The following SH3GL2 variants were observed in gnomAD, a reference collection of about 807,000 sequenced individuals.
SH3GL2 encodes the protein endophilin-A1.
A neutral mutation model predicts 46.0 loss-of-function variants in SH3GL2; 24 were observed. The ratio of observed to expected loss-of-function variants is 0.52; its 90% confidence interval spans 0.38 to 0.73. The LOEUF (loss-of-function observed/expected upper bound fraction) is 0.73, where lower values mean the gene tolerates loss of function less well. Ranked by LOEUF, SH3GL2 falls within the 30% of genes least tolerant of loss-of-function variation. The probability of loss-of-function intolerance (pLI) is 0.00; values close to 1 mark genes in which losing one functional copy is unlikely to be tolerated. For synonymous variants in SH3GL2, 196 were observed against 147.1 expected, an observed-to-expected ratio of 1.33 and a Z score of -2.40; for missense variants, 413 against 424.2, an observed-to-expected ratio of 0.97 and a Z score of 0.23.
At chr9:17,723,967 C>T (rs1011947297) in intron 1 of SH3GL2, among the ~76,000 whole-genome samples, 55 of 152,102 alleles carry the variant, frequency 3.6e-4, no homozygotes, top group African/African-American at 1.3e-3. Context: ...GTGTGGTTCT[C>T]TTTGAGTTTT....
chr9:17,735,317 C>G (rs1045612174), intron 1 of SH3GL2, among the ~76,000 whole-genome samples: 1 of 152,068 alleles, frequency 6.6e-6, no homozygotes, highest in African/African-American at 2.4e-5. Context: ...GACTTAGCAC[C>G]TGTCCTCAGT....
intron 2 of SH3GL2, among the ~76,000 whole-genome samples, chr9:17,757,934 T>TC (rs1823047598): frequency 6.6e-6 from 1 of 152,172 alleles, no homozygotes; most frequent in African/African-American, 2.4e-5. Context: ...TCAGCTTGTC[T>TC]CTGGCTGACA....
intron 1 of SH3GL2, among the ~76,000 whole-genome samples, chr9:17,636,221 G>T (rs567676837): frequency 3.9e-5 from 6 of 152,176 alleles, no homozygotes; most frequent in Non-Finnish European, 7.3e-5. Context: ...AAAGCACCAA[G>T]TGCATCTTAT....
chr9:17,612,755 C>T (rs1818898340), intron 1 of SH3GL2, among the ~76,000 whole-genome samples: 1 of 152,086 alleles, frequency 6.6e-6, no homozygotes, highest in Non-Finnish European at 1.5e-5. Flanking sequence ...CCTTGTGCAC[C>T]CATAACCGCA....
intron 1 of SH3GL2, among the ~76,000 whole-genome samples, chr9:17,633,368 C>G (rs575473287): frequency 1.3e-5 from 2 of 152,258 alleles, no homozygotes; most frequent in South Asian, 4.1e-4. Context: ...GCACTGCTGC[C>G]AGTGACGTTA....
chr9:17,727,688 A>C (rs936238826), intron 1 of SH3GL2, among the ~76,000 whole-genome samples: 2 of 152,154 alleles, frequency 1.3e-5, no homozygotes, highest in African/African-American at 2.4e-5. Context: ...GACGATTTCC[A>C]TATCTTCCTC....
intron 1 of SH3GL2, among the ~76,000 whole-genome samples, chr9:17,581,075 C>T (rs989130080): frequency 1.3e-4 from 19 of 151,986 alleles, no homozygotes; most frequent in Admixed American, 1.2e-3. Flanking sequence ...GTAGAACACA[C>T]GTATAAAGTG....
In SH3GL2 at chr9:17,787,425, A is replaced by T; in HGVS notation, c.377A>T (p.Glu126Val). 6.2e-7 allele frequency: 1 copy of T among 1,612,612 alleles called. No homozygotes were observed. Among genetic ancestry groups the T allele is most frequent in the Middle Eastern group, 1.7e-4 (1 of 6,056 alleles). Residue 126 changes from glutamate (E) to valine (V), a missense_variant, in exon 5 of 9, where the codon GAG becomes GTG. Glu to Val is a moderately radical substitution (Grantham distance 121). This residue lies in a region of SH3GL2 where 160 missense variants were observed against 192.3 expected (regional missense o/e 0.83). Transcript: ENST00000380607. ...EVGEAMRELS[E>V]VKDSLDIEVK... Reference sequence around the variant, plus strand: ...GGGGAGGCCATGCGGGAACTGTCGGAGGTCAAAGACTCTTTGGACATAGAA... The same window carrying T: ...GGGGAGGCCATGCGGGAACTGTCGGTGGTCAAAGACTCTTTGGACATAGAA...
At chr9:17,599,061 T>A (rs1194788750) in intron 1 of SH3GL2, among the ~76,000 whole-genome samples, 1 of 152,210 alleles carries the variant, frequency 6.6e-6, no homozygotes, top group Non-Finnish European at 1.5e-5. Context: ...CAAAAAAGAA[T>A]AGATTATTTA....
At chr9:17,674,619 T>G (rs1419122362) in intron 1 of SH3GL2, among the ~76,000 whole-genome samples, 3 of 152,130 alleles carry the variant, frequency 2.0e-5, no homozygotes, top group African/African-American at 7.2e-5. Flanking sequence ...CATGATTGAG[T>G]TGGGCTCAGC....
chr9:17,655,743 A>G (rs1002739387), intron 1 of SH3GL2, among the ~76,000 whole-genome samples: 1 of 152,082 alleles, frequency 6.6e-6, no homozygotes, highest in Non-Finnish European at 1.5e-5. Flanking sequence ...AGCCCCGTGC[A>G]TCGTTTTTGA....
chr9:17,715,923 A>C (rs1015185520), intron 1 of SH3GL2, among the ~76,000 whole-genome samples: 6 of 152,076 alleles, frequency 3.9e-5, no homozygotes, highest in Admixed American at 1.3e-4. Flanking sequence ...AGTTTATTGA[A>C]TACTGTACTG....
chr9:17,640,981 A>C (rs1435643929), intron 1 of SH3GL2, among the ~76,000 whole-genome samples: 1 of 152,204 alleles, frequency 6.6e-6, no homozygotes, highest in African/African-American at 2.4e-5. Context: ...ACTTAGGCAT[A>C]AATAATAAGT....
chr9:17,649,629 A>C (rs1819907541), intron 1 of SH3GL2, among the ~76,000 whole-genome samples: 1 of 152,314 alleles, frequency 6.6e-6, no homozygotes, highest in South Asian at 2.1e-4. Context: ...TACACAAGGG[A>C]GTTTGCTTTA....
chr9:17,708,352 T>G (rs1159695290), intron 1 of SH3GL2, among the ~76,000 whole-genome samples: 4 of 152,018 alleles, frequency 2.6e-5, no homozygotes, highest in African/African-American at 4.8e-5. Flanking sequence ...TATATTTCAT[T>G]TTTTGATTTT....
chr9:17,768,625 A>G (rs80008594), intron 3 of SH3GL2, among the ~76,000 whole-genome samples: 2,739 of 151,916 alleles, frequency 0.018, 36 homozygotes, highest in Non-Finnish European at 0.029. Flanking sequence ...AGTTTCTTCA[A>G]TTCCTCAAGT....
intron 3 of SH3GL2, among the ~76,000 whole-genome samples, chr9:17,776,750 A>G (rs1043561396): frequency 1.3e-5 from 2 of 151,470 alleles, no homozygotes; most frequent in African/African-American, 4.9e-5. Context: ...AAAACTTGCC[A>G]CAAGCTGGGA....
At chr9:17,684,343 G>T (rs1362240085) in intron 1 of SH3GL2, among the ~76,000 whole-genome samples, 3 of 152,044 alleles carry the variant, frequency 2.0e-5, no homozygotes, top group Non-Finnish European at 4.4e-5. Context: ...TGCAGTTAAA[G>T]AAATAATCAG....
intron 8 of SH3GL2, among the ~76,000 whole-genome samples, chr9:17,794,878 C>G (rs2131197597): frequency 6.6e-6 from 1 of 152,316 alleles, no homozygotes; most frequent in Admixed American, 6.5e-5. Flanking sequence ...CATTTAGTAG[C>G]CACAGTAGTA....
Sources: allele counts gnomAD v4.1 joint callset (sites outside exome capture counted in the v4.1 genomes callset), GRCh38; gene constraint gnomAD v4.1.1; regional missense constraint gnomAD v4.1.1; transcripts MANE v1.5; gene names NCBI Gene and HGNC (gene_info 2026-07-23, HGNC 2026-07-21).